The following OPHN1 variants were observed in gnomAD, a reference collection of about 807,000 sequenced individuals.
The protein encoded by OPHN1 is oligophrenin 1, also known as oligophrenin-1.
A neutral mutation model predicts 60.7 loss-of-function variants in OPHN1; 11 were observed. The observed-to-expected ratio is 0.18, with a 90% CI of 0.11 to 0.30. The LOEUF is 0.30. OPHN1 is among the 10% of genes least tolerant of loss of function. The probability of loss-of-function intolerance (pLI) is 1.00; values close to 1 mark genes in which losing one functional copy is unlikely to be tolerated. For synonymous variants in OPHN1, 226 were observed against 222.6 expected, an observed-to-expected ratio of 1.02 and a Z score of -0.14; for missense variants, 449 against 611.0, an observed-to-expected ratio of 0.73 and a Z score of 2.80.
chrX:68,386,227 A>G (rs1421491884), intron 2 of OPHN1, among the ~76,000 whole-genome samples: 1 of 111,800 alleles, frequency 8.9e-6, no homozygotes, highest in African/African-American at 3.2e-5. Flanking sequence ...AAGCCAGAGA[A>G]AGAAGAACAT....
At chrX:68,225,016 C>T (rs1452140063) in intron 6 of OPHN1, among the ~76,000 whole-genome samples, 1 of 112,205 alleles carries the variant, frequency 8.9e-6, no homozygotes, top group Non-Finnish European at 1.9e-5. Context: ...TCGGGACACT[C>T]CCACCCTAAT....
intron 4 of OPHN1, among the ~76,000 whole-genome samples, chrX:68,280,771 G>A (rs926542404): frequency 7.2e-5 from 8 of 111,222 alleles, no homozygotes; most frequent in African/African-American, 2.3e-4. Flanking sequence ...TTTTCTGCTG[G>A]TGCTGGTCAT....
At chrX:68,225,960 G>A (rs940221887) in intron 6 of OPHN1, among the ~76,000 whole-genome samples, 5 of 111,417 alleles carry the variant, frequency 4.5e-5, no homozygotes, top group African/African-American at 9.8e-5. Context: ...CAAACCCAAC[G>A]CAAAGAAGCT....
intron 5 of OPHN1, among the ~76,000 whole-genome samples, chrX:68,253,218 A>G (rs992283810): frequency 9.0e-6 from 1 of 111,537 alleles, no homozygotes; most frequent in African/African-American, 3.3e-5. Context: ...AATAAACCAT[A>G]TAGTTCATTA....
intron 15 of OPHN1, among the ~76,000 whole-genome samples, chrX:68,119,590 G>A (rs754153835): frequency 6.1e-4 from 68 of 111,945 alleles, no homozygotes; most frequent in African/African-American, 2.1e-3. Context: ...AGATTCATCA[G>A]ATAACTGGGG....
chrX:68,128,118 T>C (rs1301955047), intron 15 of OPHN1, among the ~76,000 whole-genome samples: 4 of 109,812 alleles, frequency 3.6e-5, no homozygotes, highest in African/African-American at 1.3e-4. Flanking sequence ...GGTGTGGTCA[T>C]GGCTCACTTC....
chrX:68,126,508 A>C (rs2077172609), intron 15 of OPHN1, among the ~76,000 whole-genome samples: 1 of 110,366 alleles, frequency 9.1e-6, no homozygotes, highest in Non-Finnish European at 1.9e-5. Flanking sequence ...GCAGTGGCGC[A>C]ATCTCGGCTC....
intron 2 of OPHN1, among the ~76,000 whole-genome samples, chrX:68,419,699 C>T (rs1303909611): frequency 9.1e-6 from 1 of 109,640 alleles, no homozygotes; most frequent in Admixed American, 9.7e-5. Context: ...CGCCACCATA[C>T]TTGGCTAAAT....
intron 5 of OPHN1, among the ~76,000 whole-genome samples, chrX:68,235,024 A>C (rs2077745879): frequency 8.9e-6 from 1 of 112,431 alleles, no homozygotes; most frequent in Non-Finnish European, 1.9e-5. Context: ...GCTAATAATA[A>C]GTAAAACATT....
intron 15 of OPHN1, among the ~76,000 whole-genome samples, chrX:68,165,363 G>T (rs1363941601): frequency 9.0e-6 from 1 of 110,809 alleles, no homozygotes; most frequent in East Asian, 2.8e-4. Context: ...GACTCACTTG[G>T]ACCCTAAGAG....
At chrX:68,312,686 T>C (rs1421718250) in intron 2 of OPHN1, among the ~76,000 whole-genome samples, 1 of 110,711 alleles carries the variant, frequency 9.0e-6, no homozygotes, top group Admixed American at 9.7e-5. Context: ...ATCAATAAAA[T>C]AGACAATAGA....
At chrX:68,065,780 T>C (rs2076911203) in intron 20 of OPHN1, among the ~76,000 whole-genome samples, 1 of 112,111 alleles carries the variant, frequency 8.9e-6, no homozygotes, top group East Asian at 2.8e-4. Flanking sequence ...CACTCATTAA[T>C]TGGTGGTTAT....
intron 15 of OPHN1, among the ~76,000 whole-genome samples, chrX:68,137,160 G>A (rs1410953821): frequency 1.8e-5 from 2 of 111,605 alleles, no homozygotes; most frequent in Non-Finnish European, 3.8e-5. Flanking sequence ...TTTATGAGGA[G>A]CATTTTATAT....
intron 24 of OPHN1, 79 bp downstream of exon 24, chrX:68,048,337 C>A: frequency 1.1e-6 from 1 of 907,663 alleles, no homozygotes; most frequent in Non-Finnish European, 1.6e-6. Context: ...ACATGTTATT[C>A]CAGTCCTCAA....
At chrX:68,402,836 G>A (rs972097080) in intron 2 of OPHN1, among the ~76,000 whole-genome samples, 1 of 111,817 alleles carries the variant, frequency 8.9e-6, no homozygotes, top group South Asian at 3.8e-4. Flanking sequence ...TAAACTTTGG[G>A]AGTCAACTAA....
intron 2 of OPHN1, among the ~76,000 whole-genome samples, chrX:68,423,018 C>CTTT (rs1228117590): frequency 6.3e-4 from 16 of 25,344 alleles, no homozygotes; most frequent in Non-Finnish European, 1.8e-3. Flanking sequence ...ATGTAGCTTT[C>CTTT]TTTTTTTTTT....
chrX:68,366,086 T>C (rs2078497550), intron 2 of OPHN1, among the ~76,000 whole-genome samples: 2 of 109,490 alleles, frequency 1.8e-5, no homozygotes, highest in South Asian at 4.0e-4. Context: ...ATTTATAATA[T>C]AAACTACTAG....
At chrX:68,304,203 G>A (rs1375090823) in intron 2 of OPHN1, among the ~76,000 whole-genome samples, 3 of 110,768 alleles carry the variant, frequency 2.7e-5, no homozygotes, top group Admixed American at 1.9e-4. Flanking sequence ...ATACAAATAT[G>A]TATCAAATAA....
intron 18 of OPHN1, among the ~76,000 whole-genome samples, chrX:68,102,410 C>A: frequency 8.9e-6 from 1 of 111,879 alleles, no homozygotes. Flanking sequence ...TAAATGTCCA[C>A]AGGAGAAAGC....
Sources: gnomAD v4.1 joint callset for allele counts (sites outside exome capture counted in the v4.1 genomes callset) on GRCh38, gnomAD v4.1.1 for gene constraint, MANE v1.5 for transcripts, NCBI Gene and HGNC (gene_info 2026-07-23, HGNC 2026-07-21) for gene names.